MYO9B: variants seen among roughly 807,000 people sequenced by gnomAD.
The protein encoded by MYO9B is unconventional myosin-IXb.
In MYO9B, 71 loss-of-function variants were observed where a neutral mutation model predicts 229.5. The observed-to-expected ratio is 0.31, with a 90% CI of 0.26 to 0.38. The LOEUF is 0.38. MYO9B is among the 10% of genes least tolerant of loss of function. MYO9B has a pLI of 1.00. For synonymous variants in MYO9B, 1,185 were observed against 1,235.8 expected, an observed-to-expected ratio of 0.96 and a Z score of 0.86; for missense variants, 2,255 against 2,920.5, an observed-to-expected ratio of 0.77 and a Z score of 5.25.
intron 26 of MYO9B, among the ~76,000 whole-genome samples, chr19:17,201,306 G>A (rs895902503): frequency 3.5e-5 from 5 of 143,434 alleles, no homozygotes; most frequent in African/African-American, 7.6e-5. Flanking sequence ...AAGTGGAGGC[G>A]AACAAGCTGT....
intron 1 of MYO9B, among the ~76,000 whole-genome samples, chr19:17,085,191 TC>T (rs1057052655): frequency 2.0e-5 from 3 of 152,002 alleles, no homozygotes; most frequent in African/African-American, 7.2e-5. Context: ...GAGACCATTG[TC>T]CCCCACCATC....
Position 17,102,073 on chromosome 19 carries a change from A to G in MYO9B, c.356A>G (p.Lys119Arg). ...GAGCGCAACGCAGATGGAACCATCA[A>G]GTACGTGCATATGCAGCTGGTGGCG... Reference protein sequence around the residue: ...LQERNADGTIKYVHMQLVAQA... With the variant: ...LQERNADGTIRYVHMQLVAQA... Residue 119 changes from lysine (K) to arginine (R), a missense_variant, in exon 2 of 40, where the codon AAG becomes AGG. By Grantham distance (26) the Lys-to-Arg change is conservative (BLOSUM62 2). This residue lies in a region of MYO9B where 386 missense variants were observed against 515.2 expected (regional missense o/e 0.75). Transcript: ENST00000682292. 6.2e-7 allele frequency: 1 copy of G among 1,612,822 alleles called. No individual in the cohort carries two copies. Among genetic ancestry groups the G allele is most frequent in the Non-Finnish European group, 8.5e-7 (1 of 1,179,888 alleles).
At chr19:17,108,072 G>A (rs1010854448) in intron 2 of MYO9B, among the ~76,000 whole-genome samples, 3 of 152,068 alleles carry the variant, frequency 2.0e-5, no homozygotes, top group African/African-American at 7.2e-5. Flanking sequence ...GTTCCTCCCC[G>A]GATGCCAGCA....
chr19:17,141,349 C>T (rs1014011855), intron 2 of MYO9B, among the ~76,000 whole-genome samples: 1 of 152,148 alleles, frequency 6.6e-6, no homozygotes, highest in African/African-American at 2.4e-5. Flanking sequence ...GGTGGCCCAG[C>T]CTCTCAAATG....
At chr19:17,180,246 A>ATAAG (rs1242884900) in intron 14 of MYO9B, among the ~76,000 whole-genome samples, 1 of 151,636 alleles carries the variant, frequency 6.6e-6, no homozygotes, top group African/African-American at 2.4e-5. Flanking sequence ...AAATAAATAA[A>ATAAG]TAAATAAATA....
At chr19:17,106,435 A>G (rs887241628) in intron 2 of MYO9B, among the ~76,000 whole-genome samples, 2 of 152,228 alleles carry the variant, frequency 1.3e-5, no homozygotes, top group African/African-American at 4.8e-5. Flanking sequence ...CAGGAGCTAT[A>G]GAGGTTCTGA....
At chr19:17,161,496 T>G (rs994600555) in intron 8 of MYO9B, among the ~76,000 whole-genome samples, 1 of 151,394 alleles carries the variant, frequency 6.6e-6, no homozygotes, top group African/African-American at 2.4e-5. Flanking sequence ...CTTGGCAACA[T>G]AGTGAGACCC....
chr19:17,126,117 C>T (rs553914889), intron 2 of MYO9B, among the ~76,000 whole-genome samples: 5 of 152,306 alleles, frequency 3.3e-5, no homozygotes, highest in East Asian at 1.9e-4. Context: ...CCCTCGGCCC[C>T]GCCTTCACCA....
At position 17,198,791 on chromosome 19, in the gene MYO9B, G is replaced by C. The variant is rs181543462; in HGVS notation, c.4238+483G>C. On this transcript the variant is annotated intron_variant, in intron 24 of 39. Coordinates refer to ENST00000682292, the MANE Select transcript of MYO9B (RefSeq NM_004145.4). ...GGCAGGATCCTTCCTGCCTCTTCTG[G>C]CTTTTGGGGGCTCCAGGTGTTCCTT... is the stretch of plus-strand genomic sequence containing the variant. Among the ~76,000 whole-genome samples the C allele has an allele frequency of 1.5e-3, 233 of 150,972 alleles. 1 individual carries two copies. Among genetic ancestry groups the C allele is most frequent in the African/African-American group, 5.3e-3 (218 of 41,048 alleles).
In MYO9B at chr19:17,193,113, T is replaced by C; in HGVS notation, c.3128+51T>C. On this transcript the variant is annotated intron_variant, in intron 21 of 39. Coordinates refer to ENST00000682292, the MANE Select transcript of MYO9B (RefSeq NM_004145.4). The surrounding 1 kb of genome is among the most constrained non-coding windows in gnomAD (Gnocchi z 4.3). ...CGGAATATTCCAGAAGCCAAAAAGGTCACTCACCAAATTGCTGCCCGTGAT... is the reference window on the plus strand; with the variant it reads ...CGGAATATTCCAGAAGCCAAAAAGGCCACTCACCAAATTGCTGCCCGTGAT... 7.1e-7 allele frequency: 1 copy of C among 1,417,356 alleles called. No homozygotes were observed. Among genetic ancestry groups the C allele is most frequent in the Non-Finnish European group, 9.2e-7 (1 of 1,085,712 alleles). 87.8% of individuals were successfully genotyped at this position (1,417,356 alleles called of 1,614,324 possible).
At chr19:17,171,834 TG>T (rs2072728062) in intron 11 of MYO9B, among the ~76,000 whole-genome samples, 1 of 152,194 alleles carries the variant, frequency 6.6e-6, no homozygotes, top group African/African-American at 2.4e-5. Flanking sequence ...CTCAGGAAGC[TG>T]AGGCAGGAAG....
chr19:17,154,456 C>A, intron 6 of MYO9B, 41 bp downstream of exon 6: 1 of 1,513,448 alleles, frequency 6.6e-7, no homozygotes, highest in Non-Finnish European at 9.1e-7. Context: ...CCAGAGCCTA[C>A]AGGGGGCACG....
chr19:17,184,183 G>C (rs147416751), intron 16 of MYO9B, among the ~76,000 whole-genome samples: 1,658 of 152,256 alleles, frequency 0.011, 16 homozygotes, highest in Non-Finnish European at 0.016. Context: ...CCTCAGCCTG[G>C]TCCCATGGGG....
At chr19:17,148,322 A>G (rs553590000) in intron 3 of MYO9B, among the ~76,000 whole-genome samples, 5 of 152,230 alleles carry the variant, frequency 3.3e-5, no homozygotes, top group African/African-American at 1.2e-4. Flanking sequence ...CCCCTTTCCA[A>G]CATTATCTCT....
intron 1 of MYO9B, among the ~76,000 whole-genome samples, chr19:17,088,755 A>G (rs1001667903): frequency 1.8e-4 from 28 of 152,166 alleles, no homozygotes; most frequent in Non-Finnish European, 3.1e-4. Flanking sequence ...CAGTGGCGCC[A>G]TCACGGCTCA....
intron 14 of MYO9B, among the ~76,000 whole-genome samples, chr19:17,177,245 C>T (rs1042961802): frequency 6.6e-6 from 1 of 150,510 alleles, no homozygotes; most frequent in Non-Finnish European, 1.5e-5. Flanking sequence ...AAATGGGACA[C>T]AAGTAAGGAG....
chr19:17,109,693 G>A (rs370544528), intron 2 of MYO9B, among the ~76,000 whole-genome samples: 2 of 152,308 alleles, frequency 1.3e-5, no homozygotes, highest in South Asian at 2.1e-4. Context: ...GGGTTCTGGT[G>A]GCTTCAGCCA....
intron 35 of MYO9B, among the ~76,000 whole-genome samples, chr19:17,209,164 G>T (rs2073197091): frequency 6.6e-6 from 1 of 152,210 alleles, no homozygotes; most frequent in Non-Finnish European, 1.5e-5. Context: ...ACCACTCCGA[G>T]CTGAGACCCT....
chr19:17,165,929 T>C (rs921865610), intron 10 of MYO9B, among the ~76,000 whole-genome samples: 1 of 152,202 alleles, frequency 6.6e-6, no homozygotes, highest in Admixed American at 6.5e-5. Context: ...TGCATTATCA[T>C]CTGTGGCTGT....
Sources: allele counts gnomAD v4.1 joint callset (sites outside exome capture counted in the v4.1 genomes callset), GRCh38; gene constraint gnomAD v4.1.1; regional missense constraint gnomAD v4.1.1; non-coding constraint Gnocchi (gnomAD v3.1); transcripts MANE v1.5; gene names NCBI Gene and HGNC (gene_info 2026-07-23, HGNC 2026-07-21).